The following GRIK4 variants were observed in gnomAD, a reference collection of about 807,000 sequenced individuals.
GRIK4 encodes the protein glutamate receptor ionotropic, kainate 4.
A neutral mutation model predicts 104.9 loss-of-function variants in GRIK4; 40 were observed. That is an observed-to-expected ratio of 0.38 (90% CI 0.30 to 0.50). The LOEUF (loss-of-function observed/expected upper bound fraction) is 0.50, where lower values mean the gene tolerates loss of function less well. Among genes scored for constraint, GRIK4 ranks in the 20% least tolerant of loss-of-function variants. GRIK4 has a pLI of 0.93. For synonymous variants in GRIK4, 485 were observed against 524.9 expected, an observed-to-expected ratio of 0.92 and a Z score of 1.04; for missense variants, 1,047 against 1,308.1, an observed-to-expected ratio of 0.80 and a Z score of 3.08.
At chr11:120,619,765 G>A (rs1949162236) in intron 1 of GRIK4, among the ~76,000 whole-genome samples, 1 of 152,134 alleles carries the variant, frequency 6.6e-6, no homozygotes, top group Non-Finnish European at 1.5e-5. Context: ...ATGATTGTAA[G>A]TTTCCTGAGG....
At chr11:120,973,358 C>T (rs1944507137) in intron 19 of GRIK4, among the ~76,000 whole-genome samples, 1 of 152,108 alleles carries the variant, frequency 6.6e-6, no homozygotes, top group South Asian at 2.1e-4. Flanking sequence ...GGCCTCTCTC[C>T]ACCACACTTT....
chr11:120,836,661 G>A lies in GRIK4; in HGVS notation c.691-130G>A, dbSNP rs1457033126. 7 of 702,126 alleles carry A rather than the reference G, an allele frequency of 1.0e-5. No individual in the cohort carries two copies. In the African/African-American group the frequency reaches 1.2e-4, roughly 12 times the overall value. The allele number at this position is 702,126 out of a possible 1,614,324, so 43.5% of individuals were successfully genotyped here. On this transcript the variant is annotated intron_variant, in intron 7 of 20. Transcript: ENST00000527524. ...CAAGGGCAACATAAGAACTAATCAAGATGTTCTGTTCTGCCTGGTGCCAAG... is the reference window on the plus strand; with the variant it reads ...CAAGGGCAACATAAGAACTAATCAAAATGTTCTGTTCTGCCTGGTGCCAAG...
intron 8 of GRIK4, among the ~76,000 whole-genome samples, chr11:120,850,087 C>T (rs532094747): frequency 4.6e-5 from 7 of 152,290 alleles, no homozygotes; most frequent in Non-Finnish European, 8.8e-5. Context: ...CCCATGACTG[C>T]TCCATCTCAT....
intron 1 of GRIK4, among the ~76,000 whole-genome samples, chr11:120,626,548 T>C (rs1338837922): frequency 2.6e-5 from 4 of 152,090 alleles, no homozygotes; most frequent in African/African-American, 9.7e-5. Flanking sequence ...TCTTTTGGCC[T>C]TACCTTTGGT....
chr11:120,983,010 A>C (rs1944677742), intron 20 of GRIK4, among the ~76,000 whole-genome samples: 1 of 151,918 alleles, frequency 6.6e-6, no homozygotes, highest in Non-Finnish European at 1.5e-5. Context: ...GCATGCGTAG[A>C]GCTTCATTTT....
At chr11:120,709,718 C>T (rs951586351) in intron 3 of GRIK4, among the ~76,000 whole-genome samples, 1 of 152,126 alleles carries the variant, frequency 6.6e-6, no homozygotes, top group Non-Finnish European at 1.5e-5. Flanking sequence ...AGCTGTTCAC[C>T]CAGTTCCCAA....
chr11:120,663,528 A>T, intron 3 of GRIK4, among the ~76,000 whole-genome samples: 1 of 152,234 alleles, frequency 6.6e-6, no homozygotes, highest in East Asian at 1.9e-4. Flanking sequence ...CTGTTCAGAA[A>T]ACATTTCAGA....
At chr11:120,512,372 C>A (rs947895918) in intron 1 of GRIK4, among the ~76,000 whole-genome samples, 2 of 151,826 alleles carry the variant, frequency 1.3e-5, no homozygotes, top group Non-Finnish European at 2.9e-5. Flanking sequence ...CTGCAGCCCC[C>A]CATCCCGGCT....
chr11:120,688,132 AC>A (rs1950302683), intron 3 of GRIK4, among the ~76,000 whole-genome samples: 1 of 151,938 alleles, frequency 6.6e-6, no homozygotes, highest in Non-Finnish European at 1.5e-5. Context: ...GAAATGACAT[AC>A]CCTCCGGAAG....
At chr11:120,721,524 G>A (rs565003621) in intron 3 of GRIK4, among the ~76,000 whole-genome samples, 1 of 152,290 alleles carries the variant, frequency 6.6e-6, no homozygotes, top group Admixed American at 6.5e-5. Context: ...GATCACTCAG[G>A]AGCAAGCAAG....
chr11:120,856,919 C>T (rs1429618718), intron 8 of GRIK4, among the ~76,000 whole-genome samples: 2 of 152,164 alleles, frequency 1.3e-5, no homozygotes, highest in Non-Finnish European at 2.9e-5. Context: ...CCCAGCTGAA[C>T]ATGTCCCCGG....
At chr11:120,578,084 G>A (rs1371608836) in intron 1 of GRIK4, among the ~76,000 whole-genome samples, 1 of 152,186 alleles carries the variant, frequency 6.6e-6, no homozygotes, top group East Asian at 1.9e-4. Context: ...GTGTGCATGC[G>A]TGAGACAGAG....
intron 1 of GRIK4, among the ~76,000 whole-genome samples, chr11:120,558,750 G>A (rs779098470): frequency 6.6e-6 from 1 of 152,190 alleles, no homozygotes; most frequent in African/African-American, 2.4e-5. Context: ...TGACAATTGC[G>A]CGTATTTAGT....
chr11:120,940,344 C>G lies in GRIK4; in HGVS notation c.1477-3C>G. ...ACTGACGGGCTGTCTCTGTTCTTTT[C>G]AGAAAGCAGATCTGGCTGTGGCAGG... On this transcript the variant is annotated splice_region_variant and splice_polypyrimidine_tract_variant and intron_variant, in intron 13 of 20. Coordinates refer to ENST00000527524, the MANE Select transcript of GRIK4 (RefSeq NM_014619.5). This position sits in a 1 kb window ranked among gnomAD's most constrained non-coding sequence, Gnocchi z 4.3. The G allele has an allele frequency of 6.2e-7, 1 of 1,600,576 alleles. No homozygotes were observed. The highest frequency in any genetic ancestry group is 8.6e-7 in the Non-Finnish European group (1 of 1,168,702).
chr11:120,627,131 G>T (rs1949270301), intron 1 of GRIK4, among the ~76,000 whole-genome samples: 1 of 152,176 alleles, frequency 6.6e-6, no homozygotes, highest in Admixed American at 6.5e-5. Context: ...TGTGTCACCA[G>T]CCCACTTTAT....
At chr11:120,915,002 G>A (rs751896366) in intron 13 of GRIK4, among the ~76,000 whole-genome samples, 4 of 152,170 alleles carry the variant, frequency 2.6e-5, no homozygotes, top group African/African-American at 4.8e-5. Context: ...CCCAGTGAGT[G>A]CAGGGAGCTC....
At chr11:120,575,329 C>T (rs1332129023) in intron 1 of GRIK4, among the ~76,000 whole-genome samples, 1 of 152,180 alleles carries the variant, frequency 6.6e-6, no homozygotes, top group African/African-American at 2.4e-5. Flanking sequence ...TCCCCTTTCC[C>T]TGCCCAGCCT....
intron 1 of GRIK4, among the ~76,000 whole-genome samples, chr11:120,551,043 G>T (rs11217914): frequency 0.018 from 2,774 of 152,244 alleles, 84 homozygotes; most frequent in African/African-American, 0.062. Context: ...CAGAATGAAG[G>T]CCTTGAGAAG....
chr11:120,940,777 C>G lies in GRIK4; in HGVS notation c.1590+317C>G, dbSNP rs1027467336. 1.3e-5 allele frequency among the ~76,000 whole-genome samples: 2 copies of G among 152,132 alleles called. No homozygotes were observed. The highest frequency in any genetic ancestry group is 4.8e-5 in the African/African-American group (2 of 41,422). ...GTCACTTTGCTCCCTTGCCTGCAGC[C>G]CAGATAAGTCACCCTAGCATTTCTC... On this transcript the variant is annotated intron_variant, in intron 14 of 20. Coordinates refer to ENST00000527524, the MANE Select transcript of GRIK4 (RefSeq NM_014619.5). The surrounding 1 kb of genome is among the most constrained non-coding windows in gnomAD (Gnocchi z 4.3).
Sources: gnomAD v4.1 joint callset for allele counts (sites outside exome capture counted in the v4.1 genomes callset) on GRCh38, gnomAD v4.1.1 for gene constraint, Gnocchi (gnomAD v3.1) non-coding constraint, MANE v1.5 for transcripts, NCBI Gene and HGNC (gene_info 2026-07-23, HGNC 2026-07-21) for gene names.